FTO: variants seen among roughly 807,000 people sequenced by gnomAD.
FTO encodes FTO alpha-ketoglutarate dependent dioxygenase, also known as alpha-ketoglutarate-dependent dioxygenase FTO.
A neutral mutation model predicts 63.9 loss-of-function variants in FTO; 47 were observed. The ratio of observed to expected loss-of-function variants is 0.74; its 90% CI spans 0.58 to 0.94. FTO has a LOEUF of 0.94. FTO is among the 40% of genes least tolerant of loss of function. The probability of loss-of-function intolerance (pLI) is 0.00; values close to 1 mark genes in which losing one functional copy is unlikely to be tolerated. For synonymous variants in FTO, 207 were observed against 224.4 expected, an observed-to-expected ratio of 0.92 and a Z score of 0.69; for missense variants, 562 against 618.1, an observed-to-expected ratio of 0.91 and a Z score of 0.96.
intron 8 of FTO, among the ~76,000 whole-genome samples, chr16:54,092,659 C>G (rs1410773279): frequency 6.6e-6 from 1 of 152,232 alleles, no homozygotes; most frequent in African/African-American, 2.4e-5. Flanking sequence ...AAAGACCTTT[C>G]TCCTGGGAAA....
rs552450034 is a variant in FTO, at chr16:53,997,398, C to G, written c.1364+63289C>G. On this transcript the variant is annotated intron_variant, in intron 8 of 8. Transcript: ENST00000471389. ...GATTTGGGTGGGGACACAGCCAAACCGTATCAGGTGTGTTTGGGGTACTAT... is the reference window on the plus strand; with the variant it reads ...GATTTGGGTGGGGACACAGCCAAACGGTATCAGGTGTGTTTGGGGTACTAT... Among the ~76,000 whole-genome samples the G allele has an allele frequency of 9.2e-5, 14 of 152,136 alleles. No individual in the cohort carries two copies. The South Asian group carries it at 2.7e-3, about 29-fold the overall frequency.
intron 5 of FTO, among the ~76,000 whole-genome samples, chr16:53,876,866 G>C (rs2080670349): frequency 6.6e-6 from 1 of 152,218 alleles, no homozygotes; most frequent in Admixed American, 6.5e-5. Flanking sequence ...GGTGGAGGTT[G>C]CAGTGAGGCA....
intron 6 of FTO, 37 bp from the exon 7 acceptor site, chr16:53,888,795 G>T: frequency 6.2e-7 from 1 of 1,612,278 alleles, no homozygotes; most frequent in South Asian, 1.1e-5. Context: ...CTATCACAAG[G>T]GTATTAAAAC....
chr16:53,895,509 A>C (rs146424341), intron 7 of FTO, among the ~76,000 whole-genome samples: 1 of 152,366 alleles, frequency 6.6e-6, no homozygotes, highest in Non-Finnish European at 1.5e-5. Context: ...AATTTCACAC[A>C]CAGATACTGT....
intron 8 of FTO, among the ~76,000 whole-genome samples, chr16:54,092,212 G>A (rs926681455): frequency 3.9e-5 from 6 of 152,218 alleles, no homozygotes; most frequent in African/African-American, 1.2e-4. Context: ...GAGCCTGAGA[G>A]GTCAAGTCTG....
chr16:53,953,831 G>A (rs1488378507), intron 8 of FTO, among the ~76,000 whole-genome samples: 1 of 152,202 alleles, frequency 6.6e-6, no homozygotes, highest in East Asian at 1.9e-4. Context: ...ATTTAAATGA[G>A]CAAATCTTTT....
chr16:53,994,695 C>A (rs2083894657), intron 8 of FTO, among the ~76,000 whole-genome samples: 1 of 151,912 alleles, frequency 6.6e-6, no homozygotes, highest in South Asian at 2.1e-4. Context: ...GTCATAGTCT[C>A]CAAAATTGTG....
chr16:53,718,461 C>T (rs2075948932), intron 1 of FTO, among the ~76,000 whole-genome samples: 1 of 152,042 alleles, frequency 6.6e-6, no homozygotes, highest in Non-Finnish European at 1.5e-5. Flanking sequence ...ATCTACTTAT[C>T]TGCAAATATA....
intron 7 of FTO, among the ~76,000 whole-genome samples, chr16:53,924,373 GA>G (rs1213216852): frequency 6.6e-6 from 1 of 152,152 alleles, no homozygotes; most frequent in Non-Finnish European, 1.5e-5. Context: ...GTACATGATG[GA>G]AAAACACTAA....
chr16:53,758,230 C>T (rs951131062), intron 1 of FTO, among the ~76,000 whole-genome samples: 12 of 152,204 alleles, frequency 7.9e-5, no homozygotes, highest in African/African-American at 2.4e-4. Context: ...GTGTGAATGT[C>T]AGCCCAGTGT....
At chr16:54,061,922 C>T (rs1425952581) in intron 8 of FTO, among the ~76,000 whole-genome samples, 6 of 152,130 alleles carry the variant, frequency 3.9e-5, no homozygotes, top group Non-Finnish European at 8.8e-5. Context: ...GCTAGAATGC[C>T]TTAACATGGA....
chr16:53,904,162 A>C (rs1294943505), intron 7 of FTO, among the ~76,000 whole-genome samples: 1 of 152,066 alleles, frequency 6.6e-6, no homozygotes, highest in East Asian at 1.9e-4. Flanking sequence ...CATCCTCACC[A>C]GTGCAGTGTA....
At chr16:53,920,162 G>A (rs947195477) in intron 7 of FTO, among the ~76,000 whole-genome samples, 3 of 152,132 alleles carry the variant, frequency 2.0e-5, no homozygotes, top group Admixed American at 2.0e-4. Flanking sequence ...CAGACTGGCT[G>A]CCATGTGTCA....
At chr16:53,971,758 T>A (rs2083323501) in intron 8 of FTO, among the ~76,000 whole-genome samples, 1 of 152,176 alleles carries the variant, frequency 6.6e-6, no homozygotes, top group Admixed American at 6.5e-5. Flanking sequence ...CTAAGCAGGA[T>A]CCCCTTCCCG....
At chr16:53,834,869 C>T (rs1430412793) in intron 3 of FTO, among the ~76,000 whole-genome samples, 2 of 152,118 alleles carry the variant, frequency 1.3e-5, no homozygotes, top group Admixed American at 6.6e-5. Context: ...TTACCTAGCT[C>T]TCTTCTTTCT....
intron 7 of FTO, among the ~76,000 whole-genome samples, chr16:53,902,944 C>T (rs1473661867): frequency 6.6e-5 from 10 of 152,044 alleles, no homozygotes; most frequent in Non-Finnish European, 1.5e-4. Context: ...CTTGCCTCTA[C>T]AAAAAATGCA....
chr16:54,101,438 A>G (rs890152419), intron 8 of FTO, among the ~76,000 whole-genome samples: 2 of 152,186 alleles, frequency 1.3e-5, no homozygotes, highest in Non-Finnish European at 2.9e-5. Context: ...CCACGTTCCC[A>G]TAGAAGATAC....
chr16:53,883,153 C>G (rs940976857), intron 6 of FTO, among the ~76,000 whole-genome samples: 2 of 152,160 alleles, frequency 1.3e-5, no homozygotes, highest in African/African-American at 4.8e-5. Context: ...AAAAATCTCA[C>G]AATTTTCAGT....
At chr16:54,070,452 G>T (rs2085842749) in intron 8 of FTO, 1 of 152,072 alleles carries the variant, frequency 6.6e-6, no homozygotes, top group South Asian at 2.1e-4. Context: ...CATACTGATA[G>T]CTCTTTGACA....
Sources: allele counts gnomAD v4.1 joint callset (sites outside exome capture counted in the v4.1 genomes callset), GRCh38; gene constraint gnomAD v4.1.1; transcripts MANE v1.5; gene names NCBI Gene and HGNC (gene_info 2026-07-23, HGNC 2026-07-21).